SAMD12: variants seen among roughly 807,000 people sequenced by gnomAD.
SAMD12 encodes sterile alpha motif domain containing 12.
Under a neutral mutation model 15.0 loss-of-function variants are expected in SAMD12, and 9 were observed. The ratio of observed to expected loss-of-function variants is 0.60; its 90% CI spans 0.36 to 1.05. The LOEUF (loss-of-function observed/expected upper bound fraction) is 1.05. Ranked by LOEUF, SAMD12 falls within the 50% of genes least tolerant of loss-of-function variation. The pLI, the probability that SAMD12 is intolerant of heterozygous loss-of-function variation, is 0.01. For synonymous variants in SAMD12, 86 were observed against 90.1 expected (o/e 0.96, Z 0.25); for missense variants, 230 against 234.2 (o/e 0.98, Z 0.12).
chr8:118,582,670 G>T (rs1242575754), intron 1 of SAMD12, among the ~76,000 whole-genome samples: 1 of 152,120 alleles, frequency 6.6e-6, no homozygotes, highest in Admixed American at 6.5e-5. Context: ...CACAGATAAG[G>T]AAAATGAGGC....
the SAMD12 span, among the ~76,000 whole-genome samples, chr8:118,183,165 C>A: frequency 1.3e-5 from 2 of 152,118 alleles, no homozygotes; most frequent in Non-Finnish European, 2.9e-5. Flanking sequence ...AAGGGAGGCA[C>A]CCAATAAGTA....
intron 4 of SAMD12, among the ~76,000 whole-genome samples, chr8:118,359,367 C>A (rs1328820335): frequency 1.1e-4 from 16 of 152,132 alleles, no homozygotes. Context: ...GCAAGCAAAT[C>A]AATTTCTGTT....
intron 4 of SAMD12, among the ~76,000 whole-genome samples, chr8:118,370,955 T>A (rs77105965): frequency 1.3e-4 from 20 of 151,746 alleles, no homozygotes; most frequent in African/African-American, 3.6e-4. Flanking sequence ...AAATTTTTTT[T>A]AAAAAAGAAA....
chr8:118,326,667 T>C (rs957721878), intron 4 of SAMD12, among the ~76,000 whole-genome samples: 3 of 152,290 alleles, frequency 2.0e-5, no homozygotes, highest in Admixed American at 2.0e-4. Context: ...TTATCCTGAG[T>C]ATCAAACCAA....
chr8:118,596,351 T>G (rs1300755765), intron 1 of SAMD12, among the ~76,000 whole-genome samples: 2 of 152,214 alleles, frequency 1.3e-5, no homozygotes, highest in African/African-American at 4.8e-5. Context: ...TGAAGTAATT[T>G]GTCAACTCAC....
chr8:118,340,734 G>C (rs2514946), intron 4 of SAMD12, among the ~76,000 whole-genome samples: 1 of 151,844 alleles, frequency 6.6e-6, no homozygotes, highest in Non-Finnish European at 1.5e-5. Flanking sequence ...TTGTCACTGC[G>C]CTCCAGCCTG....
chr8:118,368,940 C>T (rs1171815063), intron 4 of SAMD12, among the ~76,000 whole-genome samples: 1 of 152,172 alleles, frequency 6.6e-6, no homozygotes, highest in African/African-American at 2.4e-5. Flanking sequence ...ACTAGCTCAT[C>T]TGTTGTAGCA....
intron 2 of SAMD12, among the ~76,000 whole-genome samples, chr8:118,579,369 T>C (rs1827228275): frequency 2.6e-5 from 4 of 152,208 alleles, no homozygotes. Context: ...TTCACTCATT[T>C]CCAATGTTGT....
intron 4 of SAMD12, among the ~76,000 whole-genome samples, chr8:118,215,265 C>T (rs1811933334): frequency 6.6e-6 from 1 of 152,152 alleles, no homozygotes; most frequent in Non-Finnish European, 1.5e-5. Context: ...CTTATAGCTG[C>T]TTTCAAAACA....
intron 3 of SAMD12, among the ~76,000 whole-genome samples, chr8:118,403,645 A>G (rs1820978926): frequency 6.6e-6 from 1 of 152,230 alleles, no homozygotes; most frequent in Non-Finnish European, 1.5e-5. Context: ...AAACAAAAAC[A>G]AAACAAAACC....
At chr8:118,305,678 T>C (rs1031763141) in intron 4 of SAMD12, among the ~76,000 whole-genome samples, 7 of 152,190 alleles carry the variant, frequency 4.6e-5, no homozygotes, top group Admixed American at 1.3e-4. Flanking sequence ...CCAGAAATAA[T>C]GTCTAGAAAG....
intron 4 of SAMD12, among the ~76,000 whole-genome samples, chr8:118,298,432 A>T (rs17481087): frequency 6.6e-6 from 1 of 152,148 alleles, no homozygotes; most frequent in South Asian, 2.1e-4. Flanking sequence ...AATTTTTTTT[A>T]AAAAGATGTG....
At chr8:118,360,616 T>A (rs1240778302) in intron 4 of SAMD12, among the ~76,000 whole-genome samples, 2 of 151,906 alleles carry the variant, frequency 1.3e-5, no homozygotes, top group African/African-American at 4.8e-5. Context: ...AAAATGGTAA[T>A]GTGTATACAA....
the SAMD12 span, among the ~76,000 whole-genome samples, chr8:118,156,796 A>G: frequency 1.3e-5 from 2 of 152,214 alleles, no homozygotes; most frequent in Admixed American, 1.3e-4. Context: ...AAGGGTTCTG[A>G]GTAGAGTGAC....
chr8:118,422,056 G>A (rs1184982263), intron 3 of SAMD12, among the ~76,000 whole-genome samples: 1 of 152,194 alleles, frequency 6.6e-6, no homozygotes, highest in Non-Finnish European at 1.5e-5. Context: ...TGAGCTTCAT[G>A]AAAAGGAGGC....
intron 4 of SAMD12, among the ~76,000 whole-genome samples, chr8:118,212,062 T>TGTGTG (rs1563697315): frequency 6.6e-6 from 1 of 150,736 alleles, no homozygotes; most frequent in African/African-American, 2.4e-5. Flanking sequence ...GTTGCAGATT[T>TGTGTG]TGTGTGTGTG....
chr8:118,189,035 G>T (rs1819292081), downstream of SAMD12, among the ~76,000 whole-genome samples: 1 of 152,140 alleles, frequency 6.6e-6, no homozygotes, highest in South Asian at 2.1e-4. Flanking sequence ...ACTATTATTA[G>T]CACATAAGAC....
chr8:118,298,387 C>T (rs1275657787), intron 4 of SAMD12, among the ~76,000 whole-genome samples: 1 of 152,126 alleles, frequency 6.6e-6, no homozygotes. Context: ...ATGTTATGAA[C>T]ATGCACTACC....
At chr8:118,413,747 A>G (rs2130821146) in intron 3 of SAMD12, among the ~76,000 whole-genome samples, 1 of 152,270 alleles carries the variant, frequency 6.6e-6, no homozygotes, top group East Asian at 1.9e-4. Context: ...AGCACGTAAT[A>G]GGTGTTCAGT....
Sources: gnomAD v4.1 joint callset for allele counts (sites outside exome capture counted in the v4.1 genomes callset) on GRCh38, gnomAD v4.1.1 for gene constraint, MANE v1.5 for transcripts, NCBI Gene and HGNC (gene_info 2026-07-23, HGNC 2026-07-21) for gene names.